The following ST6GALNAC5 variants were observed in gnomAD, a reference collection of about 807,000 sequenced individuals.
ST6GALNAC5 encodes the protein ST6 N-acetylgalactosaminide alpha-2,6-sialyltransferase 5.
In ST6GALNAC5, 27 loss-of-function variants were observed where a neutral mutation model predicts 33.6. The ratio of observed to expected loss-of-function variants is 0.80; its 90% CI spans 0.59 to 1.11. The LOEUF (loss-of-function observed/expected upper bound fraction) is 1.11, where lower values mean the gene tolerates loss of function less well. Among genes scored for constraint, ST6GALNAC5 ranks in the 50% least tolerant of loss-of-function variants. ST6GALNAC5 has a pLI of 0.00. For missense variants in ST6GALNAC5, 428 were observed against 454.0 expected (o/e 0.94, Z 0.52); for synonymous variants, 194 against 171.2 (o/e 1.13, Z -1.04).
intron 2 of ST6GALNAC5, among the ~76,000 whole-genome samples, chr1:76,869,841 GA>G (rs1449972592): frequency 6.6e-6 from 1 of 152,134 alleles, no homozygotes; most frequent in Non-Finnish European, 1.5e-5. Context: ...CCTGAGGACA[GA>G]ACAATATACC....
intron 2 of ST6GALNAC5, among the ~76,000 whole-genome samples, chr1:76,935,635 T>A (rs1378828855): frequency 1.3e-5 from 2 of 152,046 alleles, no homozygotes; most frequent in African/African-American, 2.4e-5. Context: ...AATTCCTTTT[T>A]TTCCTCATAA....
intron 2 of ST6GALNAC5, among the ~76,000 whole-genome samples, chr1:76,941,111 G>A (rs1027835724): frequency 6.6e-6 from 1 of 152,092 alleles, no homozygotes; most frequent in East Asian, 1.9e-4. Context: ...AGGGTGACCA[G>A]ATGTCAGGAT....
chr1:76,960,778 C>T (rs113026344), intron 2 of ST6GALNAC5, among the ~76,000 whole-genome samples: 1,725 of 152,268 alleles, frequency 0.011, 36 homozygotes, highest in African/African-American at 0.039. Context: ...CTGTTCCGCC[C>T]GGCTCACCAG....
intron 2 of ST6GALNAC5, among the ~76,000 whole-genome samples, chr1:76,966,629 A>G (rs946819594): frequency 6.6e-6 from 1 of 152,136 alleles, no homozygotes; most frequent in African/African-American, 2.4e-5. Flanking sequence ...AACTTCCAAC[A>G]CTATGTTGAA....
chr1:76,950,057 A>T (rs1359442003), intron 2 of ST6GALNAC5, among the ~76,000 whole-genome samples: 4 of 152,098 alleles, frequency 2.6e-5, no homozygotes, highest in Admixed American at 2.6e-4. Context: ...ACACCTTTAG[A>T]GCTGCCAATA....
At chr1:76,948,020 A>G (rs115906217) in intron 2 of ST6GALNAC5, among the ~76,000 whole-genome samples, 7 of 152,132 alleles carry the variant, frequency 4.6e-5, no homozygotes, top group African/African-American at 1.7e-4. Flanking sequence ...TTCAGTAACA[A>G]ATAAACCCCA....
At chr1:76,970,240 G>A (rs542367639) in intron 2 of ST6GALNAC5, among the ~76,000 whole-genome samples, 1 of 151,992 alleles carries the variant, frequency 6.6e-6, no homozygotes, top group South Asian at 2.1e-4. Flanking sequence ...CAGAAGGTCG[G>A]TAATAACAAA....
chr1:76,870,627 C>T (rs545942657), intron 2 of ST6GALNAC5, among the ~76,000 whole-genome samples: 1 of 152,206 alleles, frequency 6.6e-6, no homozygotes, highest in South Asian at 2.1e-4. Flanking sequence ...CAGTCCTTTT[C>T]AATTTGGAGG....
intron 2 of ST6GALNAC5, among the ~76,000 whole-genome samples, chr1:76,876,358 C>A (rs1653638660): frequency 6.6e-6 from 1 of 152,134 alleles, no homozygotes; most frequent in Non-Finnish European, 1.5e-5. Context: ...GCCACCATGG[C>A]CATTTTGTTC....
intron 2 of ST6GALNAC5, among the ~76,000 whole-genome samples, chr1:76,955,774 TC>T (rs1647933302): frequency 6.6e-6 from 1 of 152,204 alleles, no homozygotes; most frequent in Non-Finnish European, 1.5e-5. Context: ...TGAGTCTTTT[TC>T]ATTTTAAGTT....
intron 2 of ST6GALNAC5, among the ~76,000 whole-genome samples, chr1:76,899,137 T>C (rs1646788114): frequency 6.6e-6 from 1 of 152,236 alleles, no homozygotes; most frequent in South Asian, 2.1e-4. Flanking sequence ...CGAGTTTGTA[T>C]TGGGGTCAAG....
At chr1:77,039,960 G>T (rs1025682569) in intron 2 of ST6GALNAC5, among the ~76,000 whole-genome samples, 2 of 152,190 alleles carry the variant, frequency 1.3e-5, no homozygotes, top group South Asian at 2.1e-4. Flanking sequence ...GAATGCTTAA[G>T]GGAAGAACAT....
intron 2 of ST6GALNAC5, among the ~76,000 whole-genome samples, chr1:77,007,808 A>G (rs74090578): frequency 0.051 from 7,740 of 152,268 alleles, 332 homozygotes; most frequent in African/African-American, 0.12. Flanking sequence ...TTTTGCACCA[A>G]CCTAATACAA....
At position 76,868,781 on chromosome 1, in the gene ST6GALNAC5, G is replaced by A. The variant is rs2100906380; in HGVS notation, c.261+39G>A. The A allele has an allele frequency of 6.8e-7, 1 of 1,460,656 alleles. No individual in the cohort carries two copies. 90.5% of individuals were successfully genotyped at this position (1,460,656 alleles called of 1,614,324 possible). ...CGCCAGCCCGCTCGCCACTCAGCCTGGGGATCCCGCACACCTGAGCCTTCC... is the reference window on the plus strand; with the variant it reads ...CGCCAGCCCGCTCGCCACTCAGCCTAGGGATCCCGCACACCTGAGCCTTCC... On this transcript the variant is annotated intron_variant, in intron 2 of 4. Coordinates refer to ENST00000477717, the MANE Select transcript of ST6GALNAC5 (RefSeq NM_030965.3). This position sits in a 1 kb window ranked among gnomAD's most constrained non-coding sequence, Gnocchi z 4.3.
Position 76,964,911 on chromosome 1 carries a change from T to C in ST6GALNAC5, c.262-79293T>C, listed in dbSNP as rs567020815. On this transcript the variant is annotated intron_variant, in intron 2 of 4. Transcript: ENST00000477717. ...CTCAGAATGATGGTTTCCAGCTGCATCCATGTCCCTGCAAAGGACATGAAC... is the reference window on the plus strand; with the variant it reads ...CTCAGAATGATGGTTTCCAGCTGCACCCATGTCCCTGCAAAGGACATGAAC... Among the ~76,000 whole-genome samples, 29 of 152,296 alleles carry C rather than the reference T, an allele frequency of 1.9e-4. No homozygotes were observed. The South Asian group carries it at 5.6e-3, about 29-fold the overall frequency.
chr1:76,952,553 G>T (rs1203437468), intron 2 of ST6GALNAC5, among the ~76,000 whole-genome samples: 1 of 151,976 alleles, frequency 6.6e-6, no homozygotes, highest in East Asian at 1.9e-4. Flanking sequence ...ATATTGAATG[G>T]TCTCAACCCA....
In ST6GALNAC5 at chr1:77,063,287, G is replaced by A. The variant is rs2100485865; in HGVS notation, c.*81G>A. On this transcript the variant is annotated 3_prime_UTR_variant, in exon 5 of 5. Coordinates refer to ENST00000477717, the MANE Select transcript of ST6GALNAC5 (RefSeq NM_030965.3). ...ACTGAACTTCCTGAGCCACCAGACA[G>A]GAAAGGGTAGCAGAAAACAGCTTCA... 4 of 1,313,624 alleles carry A rather than the reference G, an allele frequency of 3.0e-6. No individual in the cohort carries two copies. Among genetic ancestry groups the A allele is most frequent in the Middle Eastern group, 1.9e-4 (1 of 5,362 alleles). The allele number at this position is 1,313,624 out of a possible 1,614,324, so 81.4% of individuals were successfully genotyped here.
rs1170466589 is a variant in ST6GALNAC5, at chr1:76,900,318, C to T, written c.261+31576C>T. On this transcript the variant is annotated intron_variant, in intron 2 of 4. Coordinates refer to ENST00000477717, the MANE Select transcript of ST6GALNAC5 (RefSeq NM_030965.3). Reference sequence around the variant, plus strand: ...GAATGTCATCAGTTAAGGCAGGAATCGGCCATCTGGATGTGTACGTGCAGG... The same window carrying T: ...GAATGTCATCAGTTAAGGCAGGAATTGGCCATCTGGATGTGTACGTGCAGG... Among the ~76,000 whole-genome samples the T allele has an allele frequency of 4.6e-5, 7 of 151,154 alleles. No homozygotes were observed. In the South Asian group the frequency reaches 1.3e-3, roughly 27 times the overall value.
rs559044786 is a variant in ST6GALNAC5 at position 77,064,699 on chromosome 1, T to G, written c.*1493T>G. 2.6e-5 allele frequency: 4 copies of G among 152,324 alleles called. No homozygotes were observed. The highest frequency in any genetic ancestry group is 6.5e-5 in the Admixed American group (1 of 15,296). The allele number at this position is 152,324 out of a possible 1,614,324, so 9.4% of individuals were successfully genotyped here. A position where few individuals can be genotyped will look rare whatever the true frequency, so the allele number is the denominator to read the frequency against. Reference sequence around the variant, plus strand: ...AGTAATATTGTTCAAAAATAGTCTCTTATAAATATACTAGTGTTTTCTTTA... The same window carrying G: ...AGTAATATTGTTCAAAAATAGTCTCGTATAAATATACTAGTGTTTTCTTTA... On this transcript the variant is annotated 3_prime_UTR_variant, in exon 5 of 5. Coordinates refer to ENST00000477717, the MANE Select transcript of ST6GALNAC5 (RefSeq NM_030965.3).
Sources: gnomAD v4.1 joint callset for allele counts (sites outside exome capture counted in the v4.1 genomes callset) on GRCh38, gnomAD v4.1.1 for gene constraint, Gnocchi (gnomAD v3.1) non-coding constraint, MANE v1.5 for transcripts, NCBI Gene and HGNC (gene_info 2026-07-23, HGNC 2026-07-21) for gene names.